The following MORC1 variants were observed in gnomAD, a reference collection of about 807,000 sequenced individuals.
MORC1 encodes the protein MORC family CW-type zinc finger protein 1.
A neutral mutation model predicts 134.9 loss-of-function variants in MORC1; 59 were observed. The observed-to-expected ratio is 0.44, with a 90% confidence interval of 0.35 to 0.54. The LOEUF is 0.54. Among genes scored for constraint, MORC1 ranks in the 20% least tolerant of loss-of-function variants. MORC1 has a pLI of 0.00. For missense variants in MORC1, 947 were observed against 1,134.5 expected, an observed-to-expected ratio of 0.83 and a Z score of 2.37; for synonymous variants, 395 against 391.7, an observed-to-expected ratio of 1.01 and a Z score of -0.10.
At chr3:109,022,724 T>C (rs1477656513) in intron 17 of MORC1, among the ~76,000 whole-genome samples, 1 of 152,236 alleles carries the variant, frequency 6.6e-6, no homozygotes, top group East Asian at 1.9e-4. Context: ...TCCAATCAAA[T>C]ATAAAATATT....
intron 21 of MORC1, among the ~76,000 whole-genome samples, chr3:108,993,849 G>A (rs953754446): frequency 2.6e-5 from 4 of 151,912 alleles, no homozygotes; most frequent in South Asian, 2.1e-4. Context: ...GTTATGATTC[G>A]CTATCATGTA....
At position 109,069,622 on chromosome 3, in the gene MORC1, G is replaced by T; in HGVS notation, c.815+10C>A. Reference sequence around the variant, plus strand: ...AACTCTGTGAAGATAACTGAAGAAAGATGAGTTACCTGGGTCTGTAGAGGC... The same window carrying T: ...AACTCTGTGAAGATAACTGAAGAAATATGAGTTACCTGGGTCTGTAGAGGC... On this transcript the variant is annotated intron_variant, in intron 9 of 27. Coordinates refer to ENST00000232603, the MANE Select transcript of MORC1 (RefSeq NM_014429.4). The T allele has an allele frequency of 6.4e-7, 1 of 1,556,548 alleles. No homozygotes were observed. Among genetic ancestry groups the T allele is most frequent in the South Asian group, 1.2e-5 (1 of 81,562 alleles).
At chr3:109,108,843 T>C (rs761511331) in intron 3 of MORC1, among the ~76,000 whole-genome samples, 7 of 149,020 alleles carry the variant, frequency 4.7e-5, no homozygotes, top group Middle Eastern at 3.5e-3. Context: ...GAGCTTGCAG[T>C]GAGCCGAGCT....
In MORC1 at chr3:109,093,628, A is replaced by G. The variant is rs530014493; in HGVS notation, c.584-87T>C. 277 of 959,526 alleles carry G rather than the reference A, an allele frequency of 2.9e-4. No individual in the cohort carries two copies. In the African/African-American group the frequency reaches 3.9e-3, roughly 13 times the overall value. 59.4% of individuals were successfully genotyped at this position (959,526 alleles called of 1,614,324 possible). A position where few individuals can be genotyped will look rare whatever the true frequency, so the allele number is the denominator to read the frequency against. On this transcript the variant is annotated intron_variant, in intron 7 of 27. Transcript: ENST00000232603. ...TGCTATCATTTCATCTATGGAACTG[A>G]GTCTGCTATAAAATTTTCTTTTGTA... is the stretch of plus-strand genomic sequence containing the variant.
intron 21 of MORC1, among the ~76,000 whole-genome samples, chr3:108,999,149 A>C (rs1393767517): frequency 6.6e-6 from 1 of 152,228 alleles, no homozygotes; most frequent in Non-Finnish European, 1.5e-5. Flanking sequence ...CTCCGATTAA[A>C]TTTTGACCCT....
intron 17 of MORC1, among the ~76,000 whole-genome samples, chr3:109,009,167 A>C (rs1259879963): frequency 6.6e-6 from 1 of 151,366 alleles, no homozygotes; most frequent in African/African-American, 2.4e-5. Flanking sequence ...AGACCATGAG[A>C]ATATTTCCTG....
intron 27 of MORC1, 63 bp downstream of exon 27, chr3:108,963,351 G>T: frequency 1.5e-6 from 2 of 1,359,590 alleles, no homozygotes; most frequent in Non-Finnish European, 1.0e-6. Context: ...GTTAGGAGAA[G>T]TTAGCTGAGT....
At chr3:109,100,554 A>T in intron 4 of MORC1, 47 bp from the exon 5 acceptor site, 1 of 1,448,192 alleles carries the variant, frequency 6.9e-7, no homozygotes. Flanking sequence ...ACTCTTTGAC[A>T]CTGGCCTGAG....
chr3:109,072,946 CACACACACACACACACACAT>C (rs1474296522), intron 8 of MORC1, among the ~76,000 whole-genome samples: 4 of 55,428 alleles, frequency 7.2e-5, no homozygotes, highest in African/African-American at 1.9e-4. Context: ...CACACACACA[CACACACACACACACACACAT>C]ACACACACAC....
intron 2 of MORC1, among the ~76,000 whole-genome samples, chr3:109,112,787 CTG>C (rs1951197849): frequency 1.3e-5 from 2 of 152,178 alleles, no homozygotes; most frequent in South Asian, 4.1e-4. Context: ...TTTATAAACA[CTG>C]TGCAAACTTT....
At chr3:109,117,521 G>A (rs1233471776) in intron 1 of MORC1, among the ~76,000 whole-genome samples, 2 of 152,128 alleles carry the variant, frequency 1.3e-5, no homozygotes, top group Admixed American at 1.3e-4. Flanking sequence ...GACAGGCATG[G>A]CAGAGAAGAA....
At chr3:109,054,212 T>G (rs576925771) in intron 14 of MORC1, among the ~76,000 whole-genome samples, 2 of 149,076 alleles carry the variant, frequency 1.3e-5, no homozygotes, top group African/African-American at 5.0e-5. Flanking sequence ...ACCAGGGAGA[T>G]AGAGGTTGCA....
chr3:109,090,635 A>AC (rs1472054384), intron 8 of MORC1, among the ~76,000 whole-genome samples: 3 of 151,428 alleles, frequency 2.0e-5, no homozygotes, highest in African/African-American at 4.9e-5. Flanking sequence ...AAAAAAAAAA[A>AC]AAAAAAACAC....
At chr3:109,067,236 T>C (rs1950218037) in intron 9 of MORC1, among the ~76,000 whole-genome samples, 1 of 152,224 alleles carries the variant, frequency 6.6e-6, no homozygotes, top group Non-Finnish European at 1.5e-5. Context: ...TAATGAAGAA[T>C]GTTTGTTGCC....
At position 109,070,444 on chromosome 3, in the gene MORC1, T is replaced by C. The variant is rs143167956; in HGVS notation, c.690-687A>G. ...TTTGGGAAATCGCCATGTCATTGTA[T>C]ACTTATAACTCCAGGGAACTTCTAT... On this transcript the variant is annotated intron_variant, in intron 8 of 27. Coordinates refer to ENST00000232603, the MANE Select transcript of MORC1 (RefSeq NM_014429.4). 4.2e-3 allele frequency among the ~76,000 whole-genome samples: 635 copies of C among 152,330 alleles called. 3 individuals carry two copies. Among genetic ancestry groups the C allele is most frequent in the Non-Finnish European group, 7.4e-3 (504 of 68,016 alleles).
chr3:108,968,583 A>T (rs1464898428), intron 26 of MORC1, among the ~76,000 whole-genome samples: 1 of 152,226 alleles, frequency 6.6e-6, no homozygotes, highest in Non-Finnish European at 1.5e-5. Flanking sequence ...ATCAAATGCA[A>T]AGGTACTCCA....
rs1290388464 is a variant in MORC1 at position 109,113,992 on chromosome 3, T to TC, written c.119+391_119+392insG. ...ATAAAGTGCTTATGTATGTCTGATA[T>TC]ATAGTAAGAGATCAATAAGTTAGCT... On this transcript the variant is annotated intron_variant, in intron 2 of 27. Coordinates refer to ENST00000232603, the MANE Select transcript of MORC1 (RefSeq NM_014429.4). Among the ~76,000 whole-genome samples, 5 of 152,372 alleles carry TC rather than the reference T, an allele frequency of 3.3e-5. No individual in the cohort carries two copies. In the East Asian group the frequency reaches 9.6e-4, roughly 29 times the overall value.
At chr3:109,002,896 G>A (rs1948441805) in intron 20 of MORC1, among the ~76,000 whole-genome samples, 1 of 152,180 alleles carries the variant, frequency 6.6e-6, no homozygotes, top group African/African-American at 2.4e-5. Context: ...CCCTGCCATA[G>A]ATTACTTGTC....
chr3:108,991,606 T>C, intron 21 of MORC1, among the ~76,000 whole-genome samples: 1 of 152,192 alleles, frequency 6.6e-6, no homozygotes, highest in Non-Finnish European at 1.5e-5. Flanking sequence ...TCAAGGAACC[T>C]ATTAAAATTT....
Sources: allele counts gnomAD v4.1 joint callset (sites outside exome capture counted in the v4.1 genomes callset), GRCh38; gene constraint gnomAD v4.1.1; transcripts MANE v1.5; gene names NCBI Gene and HGNC (gene_info 2026-07-23, HGNC 2026-07-21).